The following SPTBN2 variants were observed in gnomAD, a reference collection of about 807,000 sequenced individuals.
The protein encoded by SPTBN2 is spectrin beta chain, non-erythrocytic 2.
A neutral mutation model predicts 284.2 loss-of-function variants in SPTBN2; 107 were observed. The ratio of observed to expected loss-of-function variants is 0.38; its 90% CI spans 0.32 to 0.44. The LOEUF (loss-of-function observed/expected upper bound fraction) is 0.44, where lower values mean the gene tolerates loss of function less well. SPTBN2 is among the 20% of genes least tolerant of loss of function. SPTBN2 has a pLI of 1.00. For synonymous variants in SPTBN2, 1,289 were observed against 1,354.8 expected (o/e 0.95, Z 1.07); for missense variants, 2,569 against 3,287.1 (o/e 0.78, Z 5.34).
At chr11:66,705,976 C>T (rs966297929) in intron 13 of SPTBN2, 139 bp from the exon 14 acceptor site, 10 of 1,257,738 alleles carry the variant, frequency 8.0e-6, no homozygotes, top group Non-Finnish European at 1.1e-5. Flanking sequence ...ACTTGAGATA[C>T]CCCAGTTCTG....
intron 25 of SPTBN2, 30 bp downstream of exon 25, chr11:66,692,940 C>T (rs867035434): frequency 6.3e-7 from 1 of 1,599,958 alleles, no homozygotes; most frequent in Non-Finnish European, 8.5e-7. Flanking sequence ...GCTCCACCCC[C>T]AGGCTGGGCC....
chr11:66,721,047 C>T, intron 3 of SPTBN2, 37 bp downstream of exon 3: 1 of 1,613,946 alleles, frequency 6.2e-7, no homozygotes, highest in Non-Finnish European at 8.5e-7. Flanking sequence ...AAAGCCTCCT[C>T]CAGCATCCCC....
At chr11:66,716,239 T>C (rs1942142115) in intron 3 of SPTBN2, among the ~76,000 whole-genome samples, 1 of 152,146 alleles carries the variant, frequency 6.6e-6, no homozygotes, top group African/African-American at 2.4e-5. Context: ...ATCCCAGCAC[T>C]TTGGGAAGCC....
chr11:66,707,844 T>C lies in SPTBN2; in HGVS notation c.1351-26A>G, dbSNP rs747265710. The C allele has an allele frequency of 1.2e-6, 2 of 1,604,180 alleles. No individual in the cohort carries two copies. Among genetic ancestry groups the C allele is most frequent in the Non-Finnish European group, 1.7e-6 (2 of 1,179,476 alleles). ...CTGTGTCGGGGGCAGGGAGAGGAGG[T>C]GTGGGGACCAAGGGACAGTGCCTCT... On this transcript the variant is annotated intron_variant, in intron 12 of 37. Transcript: ENST00000533211. This position sits in a 1 kb window ranked among gnomAD's most constrained non-coding sequence, Gnocchi z 4.9.
chr11:66,736,378 C>G (rs540618198), intron 1 of SPTBN2, among the ~76,000 whole-genome samples: 3 of 152,126 alleles, frequency 2.0e-5, no homozygotes, highest in Non-Finnish European at 4.4e-5. Flanking sequence ...TATTTATGGA[C>G]GATCCCTCTC....
At position 66,741,437 on chromosome 11, in the gene SPTBN2, C is replaced by T. The variant is rs567177636; in HGVS notation, c.-475+3105G>A. Among the ~76,000 whole-genome samples, 52 of 152,302 alleles carry T rather than the reference C, an allele frequency of 3.4e-4. No individual in the cohort carries two copies. The South Asian group carries it at 0.011, about 32-fold the overall frequency. ...ACAATGAGTCAATTAAAACTCTTTC[C>T]TTTATAAATTACCCAGTGTCGGGTA... On this transcript the variant is annotated intron_variant, in intron 1 of 37. Transcript: ENST00000611817.
In SPTBN2 at chr11:66,704,677, A is replaced by G; in HGVS notation, c.2599T>C (p.Trp867Arg). The G allele has an allele frequency of 6.2e-7, 1 of 1,610,538 alleles. No individual in the cohort carries two copies. The highest frequency in any genetic ancestry group is 8.5e-7 in the Non-Finnish European group (1 of 1,179,142). ...MLSEAGACGL[W>R]VEEKEQWLNG... ...AGCCACTGCTCCTTCTCCTCCACCC[A>G]GAGTCCACAGGCCCCGGCCTCGCTG... The change falls in exon 15 of 38, where the codon TGG (tryptophan) becomes CGG (arginine). Residue 867 changes from tryptophan (W) to arginine (R), a missense_variant. By Grantham distance (101) the Trp-to-Arg change is moderately radical. Transcript: ENST00000533211.
Position 66,690,191 on chromosome 11 carries a change from G to A in SPTBN2, c.5658C>T (p.Ala1886=), listed in dbSNP as rs199624385. ...TTCCCTGAAGCTGGGCCCAGGCCTC[G>A]GCCACGGCCTGCATGTGGCGGCCGA... ...EEIGRHMQAV[A]EAWAQLQGSS... is the part of the protein sequence containing the mutation. Residue 1886 remains alanine (A), a synonymous_variant, in exon 28 of 38, where the codon GCC becomes GCT. Transcript: ENST00000533211. 2.3e-4 allele frequency: 372 copies of A among 1,613,866 alleles called. No individual in the cohort carries two copies. Among genetic ancestry groups the A allele is most frequent in the Non-Finnish European group, 3.0e-4 (355 of 1,179,986 alleles).
rs1941099331 is a variant in SPTBN2 at position 66,699,074 on chromosome 11, T to C, written c.3785A>G (p.Lys1262Arg). ...AAATTGCTGCGCTGCGTCTTGATTCTTCTTGTGCCTGGAACGACACCCTCT... is the reference window on the plus strand; with the variant it reads ...AAATTGCTGCGCTGCGTCTTGATTCCTCTTGTGCCTGGAACGACACCCTCT... ...KADSIERRHK[K>R]NQDAAQQFLG... The change falls in exon 19 of 38, where the codon AAG becomes AGG. Residue 1262 changes from lysine (K) to arginine (R), a missense_variant. Coordinates refer to ENST00000533211, the MANE Select transcript of SPTBN2 (RefSeq NM_006946.4). 6.2e-7 allele frequency: 1 copy of C among 1,614,262 alleles called. No homozygotes were observed. The highest frequency in any genetic ancestry group is 1.1e-5 in the South Asian group (1 of 91,086).
intron 5 of SPTBN2, among the ~76,000 whole-genome samples, 160 bp from the exon 6 acceptor site, chr11:66,714,567 C>T (rs571463548): frequency 6.6e-6 from 1 of 152,350 alleles, no homozygotes; most frequent in East Asian, 1.9e-4. Flanking sequence ...GACCACAAAA[C>T]ACTGGGTGCA....
intron 17 of SPTBN2, 149 bp from the exon 18 acceptor site, chr11:66,699,757 A>G (rs1280519731): frequency 3.6e-6 from 3 of 830,424 alleles, no homozygotes; most frequent in Non-Finnish European, 6.0e-6. Flanking sequence ...GGAGGCTGCC[A>G]GCCAGCATGG....
rs983987460 is a variant in SPTBN2 at position 66,687,239 on chromosome 11, G to A, written c.6723-72C>T. 8.1e-6 allele frequency: 13 copies of A among 1,596,900 alleles called. No individual in the cohort carries two copies. Among genetic ancestry groups the A allele is most frequent in the Non-Finnish European group, 9.4e-6 (11 of 1,175,112 alleles). On this transcript the variant is annotated intron_variant, in intron 35 of 37. Coordinates refer to ENST00000533211, the MANE Select transcript of SPTBN2 (RefSeq NM_006946.4). The surrounding 1 kb of genome is among the most constrained non-coding windows in gnomAD (Gnocchi z 5.2). ...ACCTGGAGCCCTCTTGGGTGTCCTAGGACTTCCAGTTCTGCTCCCATCTTT... is the reference window on the plus strand; with the variant it reads ...ACCTGGAGCCCTCTTGGGTGTCCTAAGACTTCCAGTTCTGCTCCCATCTTT...
intron 15 of SPTBN2, among the ~76,000 whole-genome samples, chr11:66,702,937 C>CAAAA (rs1170116245): frequency 1.6e-4 from 7 of 42,592 alleles, no homozygotes; most frequent in South Asian, 1.5e-3. Flanking sequence ...GACTCCGTCT[C>CAAAA]AAAAAAAAAA....
chr11:66,727,796 C>A (rs1942674286), intron 1 of SPTBN2, among the ~76,000 whole-genome samples: 1 of 151,424 alleles, frequency 6.6e-6, no homozygotes, highest in African/African-American at 2.4e-5. Context: ...GCGCCCCCAG[C>A]ACCTGGCCCG....
At chr11:66,739,230 T>C (rs1454844605) in intron 1 of SPTBN2, among the ~76,000 whole-genome samples, 1 of 152,206 alleles carries the variant, frequency 6.6e-6, no homozygotes, top group African/African-American at 2.4e-5. Flanking sequence ...CGTGAGCCAC[T>C]GTGCACAGCC....
At chr11:66,688,548 C>T (rs1180443200) in intron 31 of SPTBN2, 105 bp downstream of exon 31, 15 of 1,505,050 alleles carry the variant, frequency 1.0e-5, no homozygotes, top group Non-Finnish European at 4.5e-6. Flanking sequence ...CATCTGGGGG[C>T]CACTGGTGCA....
intron 14 of SPTBN2, 82 bp downstream of exon 14, chr11:66,705,602 A>C: frequency 6.2e-7 from 1 of 1,603,206 alleles, no homozygotes; most frequent in Non-Finnish European, 8.5e-7. Flanking sequence ...TCCCGTCCCC[A>C]GGTTTCCCAA....
chr11:66,730,834 T>A (rs1215841926), upstream of SPTBN2, among the ~76,000 whole-genome samples: 1 of 152,236 alleles, frequency 6.6e-6, no homozygotes, highest in East Asian at 1.9e-4. Context: ...ATTCTATTGA[T>A]GAACAGACTG....
chr11:66,705,442 C>T lies in SPTBN2; in HGVS notation c.1834G>A (p.Val612Met), dbSNP rs1246085247. The change falls in exon 15 of 38, where the codon GTG becomes ATG. Residue 612 changes from valine to methionine, a missense_variant. By Grantham distance (21) the Val-to-Met change is conservative. This residue lies in a region of SPTBN2 where 1,012 missense variants were observed against 1,248.9 expected (regional missense o/e 0.81). Transcript: ENST00000533211. Reference protein sequence around the residue: ...KEYRPCDPQLVSERVAKLEQS... With the variant: ...KEYRPCDPQLMSERVAKLEQS... ...TCTAGCTTGGCCACCCGCTCCGACACCAGCTGCGGGTCGCAAGGTCTATAC... is the reference window on the plus strand; with the variant it reads ...TCTAGCTTGGCCACCCGCTCCGACATCAGCTGCGGGTCGCAAGGTCTATAC... 2 of 1,613,074 alleles carry T rather than the reference C, an allele frequency of 1.2e-6. No homozygotes were observed. The highest frequency in any genetic ancestry group is 2.2e-5 in the East Asian group (1 of 44,882).
Sources: gnomAD v4.1 joint callset for allele counts (sites outside exome capture counted in the v4.1 genomes callset) on GRCh38, gnomAD v4.1.1 for gene constraint, gnomAD v4.1.1 regional missense constraint, Gnocchi (gnomAD v3.1) non-coding constraint, MANE v1.5 for transcripts, NCBI Gene and HGNC (gene_info 2026-07-23, HGNC 2026-07-21) for gene names.